Variants in SPRY3 observed in about 807,000 individuals in gnomAD.
SPRY3 encodes protein sprouty homolog 3.
Under a neutral mutation model 20.2 loss-of-function variants are expected in SPRY3, and 15 were observed. That is an observed-to-expected ratio of 0.74 (90% CI 0.50 to 1.14). The LOEUF (loss-of-function observed/expected upper bound fraction) is 1.14. SPRY3 is among the 50% of genes most tolerant of loss of function. The probability of loss-of-function intolerance (pLI) is 0.00; values close to 1 mark genes in which losing one functional copy is unlikely to be tolerated. For synonymous variants in SPRY3, 143 were observed against 136.5 expected, an observed-to-expected ratio of 1.05 and a Z score of -0.33; for missense variants, 364 against 363.9, an observed-to-expected ratio of 1.00 and a Z score of 0.00.
At chrX:155,668,176 A>T (rs1277052046) in intron 2 of SPRY3, among the ~76,000 whole-genome samples, 1 of 111,342 alleles carries the variant, frequency 9.0e-6, no homozygotes, top group Non-Finnish European at 1.9e-5. Context: ...AGCATCATTT[A>T]TAATAGCCCC....
intron 1 of SPRY3, among the ~76,000 whole-genome samples, chrX:155,634,037 C>T (rs2067915724): frequency 9.1e-6 from 1 of 109,435 alleles, no homozygotes. Context: ...GCCGAGGTCA[C>T]GCCACTGCAA....
chrX:155,704,901 C>T (rs1345010577), intron 2 of SPRY3, among the ~76,000 whole-genome samples: 1 of 151,394 alleles, frequency 6.6e-6, no homozygotes. Flanking sequence ...ACCCAGGATT[C>T]TATATCCAGA....
intron 2 of SPRY3, among the ~76,000 whole-genome samples, chrX:155,733,153 A>G (rs185789057): frequency 1.3e-5 from 2 of 151,998 alleles, no homozygotes; most frequent in East Asian, 1.9e-4. Context: ...CTAAAAGAGT[A>G]TGTTTGGATT....
At chrX:155,654,686 GGT>G (rs3067500) in intron 1 of SPRY3, among the ~76,000 whole-genome samples, 9,228 of 85,707 alleles carry the variant, frequency 0.11, 496 homozygotes, top group South Asian at 0.17. Context: ...AGTATTCCAT[GGT>G]GTGTGTGTGT....
intron 2 of SPRY3, among the ~76,000 whole-genome samples, chrX:155,681,687 C>T (rs1365682825): frequency 8.9e-6 from 1 of 112,392 alleles, no homozygotes; most frequent in Admixed American, 9.4e-5. Flanking sequence ...TTATATTACT[C>T]ATCTGGAGAA....
At chrX:155,737,717 C>G (rs182778818) in intron 2 of SPRY3, among the ~76,000 whole-genome samples, 1 of 152,006 alleles carries the variant, frequency 6.6e-6, no homozygotes, top group African/African-American at 2.4e-5. Context: ...AACAGGGTGG[C>G]AAAAATAAGA....
intron 2 of SPRY3, among the ~76,000 whole-genome samples, chrX:155,666,001 A>G (rs2068023469): frequency 8.9e-6 from 1 of 111,786 alleles, no homozygotes; most frequent in Admixed American, 9.5e-5. Flanking sequence ...ATTCTTGGAC[A>G]ATTGAAGAAG....
chrX:155,742,120 A>C (rs2091206736), intron 2 of SPRY3, among the ~76,000 whole-genome samples: 1 of 152,194 alleles, frequency 6.6e-6, no homozygotes, highest in Admixed American at 6.5e-5. Context: ...ACAAAGACAC[A>C]TGTAGGCACG....
Position 155,773,646 on chromosome X carries a change from G to T in SPRY3, c.-106-120G>T. ...TAATTACAGAATAAAGGTGTAGCATGAAGATTACTGTAAAGTAATTGAAGG... is the reference window on the plus strand; with the variant it reads ...TAATTACAGAATAAAGGTGTAGCATTAAGATTACTGTAAAGTAATTGAAGG... On this transcript the variant is annotated intron_variant, in intron 3 of 3. Coordinates refer to ENST00000675360, the Ensembl canonical transcript of SPRY3. 1.2e-5 allele frequency: 7 copies of T among 587,596 alleles called. No homozygotes were observed. In the South Asian group the frequency reaches 1.6e-4, roughly 13 times the overall value. 36.4% of individuals were successfully genotyped at this position (587,596 alleles called of 1,614,324 possible).
chrX:155,772,202 A>G (rs966327441), intron 3 of SPRY3, among the ~76,000 whole-genome samples: 4 of 152,230 alleles, frequency 2.6e-5, no homozygotes, highest in Admixed American at 2.6e-4. Context: ...TTGTAACCAA[A>G]TTAAATCTTT....
chrX:155,616,134 T>TCTCTCTCTCTCTCTCCCTC (rs1557348873), intron 1 of SPRY3, among the ~76,000 whole-genome samples: 1 of 58,433 alleles, frequency 1.7e-5, no homozygotes, highest in Non-Finnish European at 4.2e-5. Flanking sequence ...CTCTCTCCTC[T>TCTCTCTCTCTCTCTCCCTC]CTCTCTCTCT....
At chrX:155,723,165 C>A (rs1385766693) in intron 2 of SPRY3, among the ~76,000 whole-genome samples, 1 of 152,106 alleles carries the variant, frequency 6.6e-6, no homozygotes, top group African/African-American at 2.4e-5. Flanking sequence ...GCCACATTTT[C>A]TTAATCCAGT....
chrX:155,705,194 A>T (rs768342270), intron 2 of SPRY3, among the ~76,000 whole-genome samples: 1 of 151,542 alleles, frequency 6.6e-6, no homozygotes, highest in East Asian at 1.9e-4. Context: ...TTTATAGCAT[A>T]TATAAAATTA....
chrX:155,767,616 G>A (rs779554108), intron 2 of SPRY3, among the ~76,000 whole-genome samples: 2 of 148,898 alleles, frequency 1.3e-5, no homozygotes, highest in Non-Finnish European at 3.0e-5. Flanking sequence ...GCAAGAGGAG[G>A]GGAAGGAAAA....
At chrX:155,682,771 A>T (rs1281104093) in intron 2 of SPRY3, among the ~76,000 whole-genome samples, 1 of 112,468 alleles carries the variant, frequency 8.9e-6, no homozygotes, top group Non-Finnish European at 1.9e-5. Flanking sequence ...GCTGCTATAC[A>T]TAGTGATTCC....
At chrX:155,664,673 T>C in intron 2 of SPRY3, among the ~76,000 whole-genome samples, 1 of 110,379 alleles carries the variant, frequency 9.1e-6, no homozygotes, top group South Asian at 3.8e-4. Context: ...ACAGATAAAA[T>C]TAGATCAATA....
intron 2 of SPRY3, among the ~76,000 whole-genome samples, chrX:155,665,903 A>G (rs1557354303): frequency 8.9e-6 from 1 of 112,125 alleles, no homozygotes; most frequent in Non-Finnish European, 1.9e-5. Flanking sequence ...AATTTTCTGT[A>G]TGTTTGAAAT....
At chrX:155,670,385 G>A (rs781898507) in intron 2 of SPRY3, among the ~76,000 whole-genome samples, 23 of 111,902 alleles carry the variant, frequency 2.1e-4, no homozygotes, top group Non-Finnish European at 3.6e-4. Context: ...CTCTGGGGAA[G>A]CTTCTTGCAG....
chrX:155,716,113 G>T (rs1292663692), intron 2 of SPRY3, among the ~76,000 whole-genome samples: 1 of 152,096 alleles, frequency 6.6e-6, no homozygotes, highest in Non-Finnish European at 1.5e-5. Flanking sequence ...TCCAGCAGGG[G>T]GGATGAACAG....
Sources: gnomAD v4.1 joint callset for allele counts (sites outside exome capture counted in the v4.1 genomes callset) on GRCh38, gnomAD v4.1.1 for gene constraint, MANE v1.5 for transcripts, NCBI Gene and HGNC (gene_info 2026-07-23, HGNC 2026-07-21) for gene names.